TAF2: variants seen among roughly 807,000 people sequenced by gnomAD.
The protein encoded by TAF2 is transcription initiation factor TFIID subunit 2.
In TAF2, 61 loss-of-function variants were observed where a neutral mutation model predicts 138.5. The ratio of observed to expected loss-of-function variants is 0.44; its 90% CI spans 0.36 to 0.54. The LOEUF (loss-of-function observed/expected upper bound fraction) is 0.54. Among genes scored for constraint, TAF2 ranks in the 20% least tolerant of loss-of-function variants. The pLI, the probability that TAF2 is intolerant of heterozygous loss-of-function variation, is 0.00. For missense variants in TAF2, 1,090 were observed against 1,427.9 expected (o/e 0.76, Z 3.81); for synonymous variants, 475 against 469.9 (o/e 1.01, Z -0.14).
chr8:119,782,177 G>GT (rs1328998307), intron 16 of TAF2, among the ~76,000 whole-genome samples: 1 of 151,994 alleles, frequency 6.6e-6, no homozygotes, highest in Non-Finnish European at 1.5e-5. Flanking sequence ...TTTAAATAAG[G>GT]TTTTTCAATC....
intron 6 of TAF2, 140 bp from the exon 7 acceptor site, chr8:119,797,986 G>T: frequency 2.5e-6 from 2 of 808,148 alleles, no homozygotes; most frequent in Non-Finnish European, 3.9e-6. Flanking sequence ...AGAAAATGTT[G>T]TGAAAATAGT....
rs1182425442 is a variant in TAF2, at chr8:119,742,640, C to T, written c.3231G>A (p.Arg1077=). The change falls in exon 25 of 26, where the codon CGG becomes CGA. Residue 1077 remains arginine (R), a synonymous_variant. Coordinates refer to ENST00000378164, the MANE Select transcript of TAF2 (RefSeq NM_003184.4). ...TTAAAGCAGATCGGGAGCTAGCTGG[C>T]CGATATTTCGAGAGCCCTAAAATGC... is the stretch of plus-strand genomic sequence containing the variant. ...RPSTPGLSKY[R]PASSRSALIP... is the part of the protein sequence containing the mutation. 7 of 1,613,662 alleles carry T rather than the reference C, an allele frequency of 4.3e-6. No individual in the cohort carries two copies. The highest frequency in any genetic ancestry group is 8.5e-7 in the Non-Finnish European group (1 of 1,179,892).
chr8:119,802,398 A>AT (rs1824327666), intron 5 of TAF2, among the ~76,000 whole-genome samples: 1 of 152,260 alleles, frequency 6.6e-6, no homozygotes, highest in South Asian at 2.1e-4. Flanking sequence ...TTTATAAAGC[A>AT]TAACTAACAT....
At position 119,801,859 on chromosome 8, in the gene TAF2, C is replaced by CT; in HGVS notation, c.726dup (p.Ala243SerfsTer13). 6.2e-7 allele frequency: 1 copy of CT among 1,614,144 alleles called. No individual in the cohort carries two copies. Among genetic ancestry groups the CT allele is most frequent in the Non-Finnish European group, 8.5e-7 (1 of 1,180,028 alleles). Reference sequence around the variant, plus strand: ...ATGGCCAAGGAGATATTTGACGCTGCTGTAGGAATGGTAAGCATATAATGG... The same window carrying CT: ...ATGGCCAAGGAGATATTTGACGCTGCTTGTAGGAATGGTAAGCATATAATGG... On this transcript the variant is annotated frameshift_variant, in exon 6 of 26. Coordinates refer to ENST00000378164, the MANE Select transcript of TAF2 (RefSeq NM_003184.4). LOFTEE classifies it high-confidence loss of function.
rs756040295 is a variant in TAF2, at chr8:119,783,522, T to C, written c.1971A>G (p.Arg657=). The C allele has an allele frequency of 1.2e-6, 2 of 1,614,128 alleles. No homozygotes were observed. Among genetic ancestry groups the C allele is most frequent in the Non-Finnish European group, 1.7e-6 (2 of 1,180,024 alleles). Residue 657 remains arginine, a synonymous_variant, in exon 16 of 26, where the codon AGA becomes AGG. Transcript: ENST00000378164. ...FMWQYQLRYE[R]DVVAQQESIL... Reference sequence around the variant, plus strand: ...TGGATTCCTGCTGTGCAACAACATCTCTCTCATAGCGGAGCTGATACTGCC... The same window carrying C: ...TGGATTCCTGCTGTGCAACAACATCCCTCTCATAGCGGAGCTGATACTGCC...
intron 4 of TAF2, among the ~76,000 whole-genome samples, chr8:119,805,298 T>C (rs753396736): frequency 7.9e-5 from 12 of 152,234 alleles, no homozygotes; most frequent in Middle Eastern, 3.2e-3. Flanking sequence ...CAGATTACTC[T>C]TCTGTAAAAA....
intron 5 of TAF2, 68 bp from the exon 6 acceptor site, chr8:119,802,093 A>G: frequency 7.7e-7 from 1 of 1,294,534 alleles, no homozygotes; most frequent in Non-Finnish European, 1.1e-6. Context: ...CCCCACATGC[A>G]AGTTATTTTA....
At chr8:119,739,403 T>C (rs1359376480) in intron 25 of TAF2, among the ~76,000 whole-genome samples, 2 of 152,152 alleles carry the variant, frequency 1.3e-5, no homozygotes, top group African/African-American at 4.8e-5. Context: ...GAAAATACTC[T>C]TGCCATTTCT....
At chr8:119,748,303 T>A (rs953965627) in intron 22 of TAF2, among the ~76,000 whole-genome samples, 1 of 152,010 alleles carries the variant, frequency 6.6e-6, no homozygotes, top group East Asian at 1.9e-4. Flanking sequence ...CAAATATTAA[T>A]ATAAGTAAAT....
chr8:119,793,285 G>T, intron 10 of TAF2, 81 bp downstream of exon 10: 6 of 1,210,636 alleles, frequency 5.0e-6, no homozygotes, highest in Middle Eastern at 2.2e-4. Context: ...GAGGTACAAT[G>T]AAATACTATT....
chr8:119,832,235 C>G (rs1382276497), intron 1 of TAF2, among the ~76,000 whole-genome samples: 1 of 150,576 alleles, frequency 6.6e-6, no homozygotes, highest in Non-Finnish European at 1.5e-5. Flanking sequence ...GTCACGAAAA[C>G]AGATTTGACA....
intron 11 of TAF2, among the ~76,000 whole-genome samples, chr8:119,789,983 A>G (rs1823305188): frequency 6.6e-6 from 1 of 152,086 alleles, no homozygotes. Context: ...GTACTGAATA[A>G]TATTAAGAAT....
chr8:119,760,787 A>C lies in TAF2; in HGVS notation c.2559-49T>G, dbSNP rs1367499930. Reference sequence around the variant, plus strand: ...AACTACTTTCACTGAGGTATTATGAATCAGTTTGTTTCCTAGGCATTAGAG... The same window carrying C: ...AACTACTTTCACTGAGGTATTATGACTCAGTTTGTTTCCTAGGCATTAGAG... On this transcript the variant is annotated intron_variant, in intron 19 of 25. Coordinates refer to ENST00000378164, the MANE Select transcript of TAF2 (RefSeq NM_003184.4). 6 of 1,610,280 alleles carry C rather than the reference A, an allele frequency of 3.7e-6. No individual in the cohort carries two copies. The African/African-American group carries it at 6.7e-5, about 18-fold the overall frequency.
At chr8:119,812,570 A>C (rs2131237411) in intron 3 of TAF2, among the ~76,000 whole-genome samples, 1 of 152,314 alleles carries the variant, frequency 6.6e-6, no homozygotes, top group South Asian at 2.1e-4. Context: ...CTGATGGTTT[A>C]GATTTCAACA....
chr8:119,808,328 T>C (rs1824805185), intron 3 of TAF2, among the ~76,000 whole-genome samples: 1 of 152,240 alleles, frequency 6.6e-6, no homozygotes, highest in Non-Finnish European at 1.5e-5. Flanking sequence ...TCCATTAAAG[T>C]TGTATCATGA....
intron 3 of TAF2, among the ~76,000 whole-genome samples, chr8:119,818,460 A>AATGAAATATCATT (rs1337945176): frequency 6.6e-6 from 1 of 152,212 alleles, no homozygotes; most frequent in African/African-American, 2.4e-5. Context: ...ATGTTATCAA[A>AATGAAATATCATT]GCTTTGAAAA....
chr8:119,751,709 A>T (rs1820367077), intron 22 of TAF2, among the ~76,000 whole-genome samples: 2 of 152,106 alleles, frequency 1.3e-5, no homozygotes, highest in African/African-American at 4.8e-5. Context: ...GTGAATTAAT[A>T]TGTGAAACCT....
At chr8:119,829,549 A>C (rs1343995412) in intron 2 of TAF2, among the ~76,000 whole-genome samples, 1 of 151,902 alleles carries the variant, frequency 6.6e-6, no homozygotes. Context: ...GTGTATATAT[A>C]TGTATGTGTA....
chr8:119,779,772 T>C (rs1822512679), intron 17 of TAF2, among the ~76,000 whole-genome samples: 1 of 152,188 alleles, frequency 6.6e-6, no homozygotes, highest in African/African-American at 2.4e-5. Flanking sequence ...CATCTATCTT[T>C]TCACTTGTTT....
Sources: gnomAD v4.1 joint callset for allele counts (sites outside exome capture counted in the v4.1 genomes callset) on GRCh38, gnomAD v4.1.1 for gene constraint, MANE v1.5 for transcripts, NCBI Gene and HGNC (gene_info 2026-07-23, HGNC 2026-07-21) for gene names.